EP300: variants seen among roughly 807,000 people sequenced by gnomAD.
EP300 encodes EP300 lysine acetyltransferase, also known as histone acetyltransferase p300.
A neutral mutation model predicts 264.0 loss-of-function variants in EP300; 31 were observed. The observed-to-expected ratio is 0.12, with a 90% CI of 0.09 to 0.16. The LOEUF is 0.16. Ranked by LOEUF, EP300 falls within the 10% of genes least tolerant of loss-of-function variation. The probability of loss-of-function intolerance (pLI) is 1.00; values close to 1 mark genes in which losing one functional copy is unlikely to be tolerated. For missense variants in EP300, 2,766 were observed against 3,052.9 expected (o/e 0.91, Z 2.21); for synonymous variants, 1,340 against 1,045.4 (o/e 1.28, Z -5.44).
intron 1 of EP300, 28 bp downstream of exon 1, chr22:41,093,126 C>A (rs778807141): frequency 6.2e-7 from 1 of 1,608,298 alleles, no homozygotes; most frequent in South Asian, 1.1e-5. Flanking sequence ...CGGCCTTCCA[C>A]GTTCCCTTTA....
At chr22:41,114,801 T>C (rs960255419) in intron 1 of EP300, among the ~76,000 whole-genome samples, 4 of 141,778 alleles carry the variant, frequency 2.8e-5, no homozygotes, top group Non-Finnish European at 3.0e-5. Context: ...TGCTAAAAGA[T>C]ACAGAAGGAG....
chr22:41,173,875 G>T, intron 29 of EP300, 91 bp downstream of exon 29: 1 of 1,507,856 alleles, frequency 6.6e-7, no homozygotes. Context: ...ACTTTGGGAG[G>T]CCAAGGCGGG....
chr22:41,165,948 C>T (rs1302005186), intron 22 of EP300, among the ~76,000 whole-genome samples: 2 of 151,196 alleles, frequency 1.3e-5, no homozygotes, highest in African/African-American at 4.9e-5. Flanking sequence ...CCATGTCTGA[C>T]CAATTCTTGT....
intron 9 of EP300, among the ~76,000 whole-genome samples, 162 bp from the exon 10 acceptor site, chr22:41,140,886 C>A (rs981274239): frequency 6.6e-6 from 1 of 152,180 alleles, no homozygotes; most frequent in African/African-American, 2.4e-5. Context: ...CACGGTAGTT[C>A]AGATTCTCTA....
At chr22:41,130,075 C>G in intron 5 of EP300, 72 bp downstream of exon 5, 1 of 1,109,592 alleles carries the variant, frequency 9.0e-7, no homozygotes, top group South Asian at 1.3e-5. Context: ...TATAGTACTA[C>G]TTGATTATGT....
chr22:41,096,356 C>T (rs1166765445), intron 1 of EP300, among the ~76,000 whole-genome samples: 1 of 152,032 alleles, frequency 6.6e-6, no homozygotes, highest in Admixed American at 6.6e-5. Flanking sequence ...GCTTGGTAAA[C>T]GCTTAATGCC....
intron 4 of EP300, among the ~76,000 whole-genome samples, chr22:41,129,333 A>G (rs1238008891): frequency 6.6e-6 from 1 of 152,198 alleles, no homozygotes; most frequent in African/African-American, 2.4e-5. Context: ...CGTTTTTGTG[A>G]GCAAGTATCT....
intron 8 of EP300, 128 bp downstream of exon 8, chr22:41,137,918 A>G (rs2058961179): frequency 1.6e-6 from 2 of 1,263,088 alleles, no homozygotes; most frequent in Admixed American, 1.9e-5. Context: ...TGATGTTGAT[A>G]CTTCTACTCT....
rs1364798285 is a variant in EP300 at position 41,151,854 on chromosome 22, A to T, written c.2839A>T (p.Ile947Phe). Reference sequence around the variant, plus strand: ...CCAGCTTTCCCAGCCAGCTGTAAGCATTGAAGGACAGGTATCAAATCCTCC... The same window carrying T: ...CCAGCTTTCCCAGCCAGCTGTAAGCTTTGAAGGACAGGTATCAAATCCTCC... ...ATPLSQPAVS[I>F]EGQVSNPPST... Residue 947 changes from isoleucine to phenylalanine, a missense_variant, in exon 15 of 31, where the codon ATT (isoleucine) becomes TTT (phenylalanine). Ile to Phe is a conservative substitution (Grantham distance 21, BLOSUM62 0). Transcript: ENST00000263253. 1.2e-6 allele frequency: 2 copies of T among 1,614,090 alleles called. No individual in the cohort carries two copies. The highest frequency in any genetic ancestry group is 1.7e-6 in the Non-Finnish European group (2 of 1,180,026).
At chr22:41,174,153 T>G (rs1338505724) in intron 29 of EP300, among the ~76,000 whole-genome samples, 4 of 151,722 alleles carry the variant, frequency 2.6e-5, no homozygotes, top group African/African-American at 4.8e-5. Context: ...GACTGTTCGC[T>G]GGGCGTGGTG....
intron 2 of EP300, among the ~76,000 whole-genome samples, chr22:41,122,888 T>C (rs1443879153): frequency 6.6e-6 from 1 of 151,962 alleles, no homozygotes; most frequent in Non-Finnish European, 1.5e-5. Flanking sequence ...AAACAAAAAT[T>C]AGCTGGGCAT....
At chr22:41,108,573 TTA>T (rs905150857) in intron 1 of EP300, among the ~76,000 whole-genome samples, 10 of 152,240 alleles carry the variant, frequency 6.6e-5, no homozygotes, top group South Asian at 2.1e-4. Context: ...CACATCAGAT[TTA>T]TATGTGTCCT....
intron 12 of EP300, 198 bp from the exon 13 acceptor site, chr22:41,148,840 A>T: frequency 1.6e-6 from 1 of 642,282 alleles, no homozygotes; most frequent in South Asian, 1.9e-5. Context: ...CTGTGAGGCT[A>T]TTTCTCTTTA....
At chr22:41,175,249 A>C (rs915308679) in intron 29 of EP300, among the ~76,000 whole-genome samples, 2 of 139,790 alleles carry the variant, frequency 1.4e-5, no homozygotes, top group Non-Finnish European at 3.1e-5. Flanking sequence ...GGGTGACAGA[A>C]GCAGCGAACA....
At chr22:41,165,454 G>A (rs916528392) in intron 22 of EP300, among the ~76,000 whole-genome samples, 3 of 151,750 alleles carry the variant, frequency 2.0e-5, no homozygotes, top group East Asian at 1.9e-4. Context: ...ACAGAGTTTC[G>A]CTCTTGTTGC....
At chr22:41,122,746 T>C (rs1019889617) in intron 2 of EP300, among the ~76,000 whole-genome samples, 1 of 152,188 alleles carries the variant, frequency 6.6e-6, no homozygotes, top group South Asian at 2.1e-4. Context: ...AGTATAGATA[T>C]TGCATATGAT....
chr22:41,127,847 A>G, intron 4 of EP300, 99 bp downstream of exon 4: 2 of 1,452,864 alleles, frequency 1.4e-6, no homozygotes, highest in Non-Finnish European at 1.9e-6. Flanking sequence ...GGATATGTTT[A>G]ATACCTTAAT....
At chr22:41,129,775 G>A (rs764525615) in intron 4 of EP300, 115 bp from the exon 5 acceptor site, 4 of 784,798 alleles carry the variant, frequency 5.1e-6, no homozygotes, top group Non-Finnish European at 8.6e-6. Context: ...AGGGCTGTTA[G>A]GAAGATGAAA....
intron 17 of EP300, 98 bp downstream of exon 17, chr22:41,155,211 A>G: frequency 3.0e-6 from 3 of 1,004,586 alleles, no homozygotes; most frequent in Non-Finnish European, 4.7e-6. Flanking sequence ...ACTCATTTCA[A>G]ATTTGTAATT....
Sources: allele counts gnomAD v4.1 joint callset (sites outside exome capture counted in the v4.1 genomes callset), GRCh38; gene constraint gnomAD v4.1.1; transcripts MANE v1.5; gene names NCBI Gene and HGNC (gene_info 2026-07-23, HGNC 2026-07-21).